The following RASGRF1 variants were observed in gnomAD, a reference collection of about 807,000 sequenced individuals.
The protein encoded by RASGRF1 is ras-specific guanine nucleotide-releasing factor 1.
In RASGRF1, 40 loss-of-function variants were observed where a neutral mutation model predicts 138.7. That is an observed-to-expected ratio of 0.29 (90% CI 0.22 to 0.38). The LOEUF (loss-of-function observed/expected upper bound fraction) is 0.38. Ranked by LOEUF, RASGRF1 falls within the 10% of genes least tolerant of loss-of-function variation. The probability of loss-of-function intolerance (pLI) is 1.00; values close to 1 mark genes in which losing one functional copy is unlikely to be tolerated. For missense variants in RASGRF1, 1,108 were observed against 1,650.4 expected, an observed-to-expected ratio of 0.67 and a Z score of 5.69; for synonymous variants, 614 against 663.2, an observed-to-expected ratio of 0.93 and a Z score of 1.14.
chr15:78,985,145 G>A lies in RASGRF1; in HGVS notation c.3276C>T (p.Ser1092=), dbSNP rs148440502. The part of the protein sequence containing the change: ...IRNEDINARV[S]AIEKWVAVAD... ...CTACGGCCACCCACTTCTCGATGGC[G>A]CTCACCCTGGCGTTGATGTCCTCAT... is the stretch of plus-strand genomic sequence containing the variant. Residue 1092 remains serine (S), a synonymous_variant, in exon 23 of 27, where the codon AGC becomes AGT. Transcript: ENST00000558480. The A allele has an allele frequency of 1.4e-3, 2,265 of 1,613,300 alleles. 38 individuals carry two copies. The South Asian group carries it at 0.024, about 17-fold the overall frequency.
At chr15:79,049,796 C>T (rs980608417) in intron 3 of RASGRF1, among the ~76,000 whole-genome samples, 31 of 152,018 alleles carry the variant, frequency 2.0e-4, no homozygotes, top group Admixed American at 6.5e-4. Flanking sequence ...AAGCGCTGCA[C>T]GGGGGATGGG....
intron 3 of RASGRF1, 108 bp downstream of exon 3, chr15:79,058,226 T>C (rs546262107): frequency 2.0e-6 from 3 of 1,487,844 alleles, no homozygotes; most frequent in Non-Finnish European, 2.7e-6. Flanking sequence ...AAGAACTGCA[T>C]CTGGGAGCTG....
chr15:79,070,278 G>T (rs2057737669), intron 1 of RASGRF1, among the ~76,000 whole-genome samples: 1 of 152,204 alleles, frequency 6.6e-6, no homozygotes. Flanking sequence ...TTGGGTCAAA[G>T]AGCCCACTCT....
In RASGRF1 at chr15:78,973,162, G is replaced by A; in HGVS notation, c.3612+141C>T. 1 of 662,028 alleles carries A rather than the reference G, an allele frequency of 1.5e-6. No homozygotes were observed. The highest frequency in any genetic ancestry group is 2.7e-6 in the Non-Finnish European group (1 of 376,376). 41.0% of individuals were successfully genotyped at this position (662,028 alleles called of 1,614,324 possible). A position where few individuals can be genotyped will look rare whatever the true frequency, so the allele number is the denominator to read the frequency against. The stretch of plus-strand genomic sequence containing the variant: ...ATCAATGATAGTGATGGCTGTCATT[G>A]GGGAAGCTGGACCCAGGCTCCCAAA... On this transcript the variant is annotated intron_variant, in intron 25 of 26. Coordinates refer to ENST00000558480, the MANE Select transcript of RASGRF1 (RefSeq NM_001145648.3). The surrounding 1 kb of genome is among the most constrained non-coding windows in gnomAD (Gnocchi z 4.9).
intron 24 of RASGRF1, chr15:78,978,695 A>C: frequency 9.7e-7 from 1 of 1,031,174 alleles, no homozygotes; most frequent in Middle Eastern, 4.8e-4. Context: ...CTAGTGAAAC[A>C]GACGCTCAGT....
chr15:79,053,040 G>A (rs112090572), intron 3 of RASGRF1, among the ~76,000 whole-genome samples: 71 of 152,294 alleles, frequency 4.7e-4, no homozygotes, highest in African/African-American at 1.7e-3. Context: ...GCTGAGGCAG[G>A]TGATCACCTG....
intron 13 of RASGRF1, among the ~76,000 whole-genome samples, chr15:79,013,210 A>G (rs2141754744): frequency 6.6e-6 from 1 of 152,306 alleles, no homozygotes; most frequent in South Asian, 2.1e-4. Flanking sequence ...GCTGGGGACC[A>G]GGTTTACATA....
intron 26 of RASGRF1, among the ~76,000 whole-genome samples, chr15:78,963,031 C>G (rs2055577905): frequency 6.6e-6 from 1 of 152,132 alleles, no homozygotes. Flanking sequence ...TTTTCTCACC[C>G]TGGGGAGAAA....
At chr15:79,066,728 G>A (rs1486546333) in intron 1 of RASGRF1, among the ~76,000 whole-genome samples, 1 of 152,188 alleles carries the variant, frequency 6.6e-6, no homozygotes, top group African/African-American at 2.4e-5. Flanking sequence ...CCTCACCCCT[G>A]CTGGAAACCT....
chr15:78,977,439 C>T (rs1359434534), intron 24 of RASGRF1, among the ~76,000 whole-genome samples: 2 of 151,930 alleles, frequency 1.3e-5, no homozygotes, highest in African/African-American at 4.8e-5. Flanking sequence ...AACAAAACTG[C>T]GATGGGGTGG....
chr15:79,014,097 T>C (rs907957516), intron 13 of RASGRF1, among the ~76,000 whole-genome samples: 1 of 152,182 alleles, frequency 6.6e-6, no homozygotes, highest in Non-Finnish European at 1.5e-5. Context: ...GATGTTGGCA[T>C]GGATGTGGTG....
At chr15:78,993,692 T>G (rs972036283) in intron 20 of RASGRF1, among the ~76,000 whole-genome samples, 1 of 152,054 alleles carries the variant, frequency 6.6e-6, no homozygotes, top group African/African-American at 2.4e-5. Context: ...CCTGGTGCCC[T>G]GGGGTTGGGC....
intron 26 of RASGRF1, among the ~76,000 whole-genome samples, chr15:78,967,956 T>G (rs2055675492): frequency 6.6e-6 from 1 of 152,216 alleles, no homozygotes; most frequent in African/African-American, 2.4e-5. Context: ...CAGACCAGAT[T>G]CAAATTTCTT....
At position 78,998,734 on chromosome 15, in the gene RASGRF1, C is replaced by G; in HGVS notation, c.2838G>C (p.Val946=). ...TCCCACCCACCTGAGAGTGCTTGGACACCCAGTGGCGGAGCACGTTCAAGA... is the reference window on the plus strand; with the variant it reads ...TCCCACCCACCTGAGAGTGCTTGGAGACCCAGTGGCGGAGCACGTTCAAGA... The part of the protein sequence containing the change: ...NRVLNVLRHW[V]SKHSQDFETN... The change falls in exon 18 of 27, where the codon GTG becomes GTC. Residue 946 remains valine, a synonymous_variant. Coordinates refer to ENST00000558480, the MANE Select transcript of RASGRF1 (RefSeq NM_001145648.3). 6.2e-7 allele frequency: 1 copy of G among 1,613,908 alleles called. No individual in the cohort carries two copies. Among genetic ancestry groups the G allele is most frequent in the Non-Finnish European group, 8.5e-7 (1 of 1,179,764 alleles).
At chr15:78,979,137 T>A in intron 24 of RASGRF1, 4 of 1,289,670 alleles carry the variant, frequency 3.1e-6, no homozygotes, top group Non-Finnish European at 4.0e-6. Flanking sequence ...ACAAGCACAG[T>A]CCACAGGGGC....
intron 26 of RASGRF1, among the ~76,000 whole-genome samples, chr15:78,970,827 T>TC (rs199848624): frequency 0.32 from 14,592 of 46,210 alleles, 1,050 homozygotes; most frequent in East Asian, 0.54. Flanking sequence ...AGCTGAGACT[T>TC]TTTTTTTTTT....
intron 13 of RASGRF1, among the ~76,000 whole-genome samples, chr15:79,007,992 G>A (rs528494054): frequency 1.3e-5 from 2 of 151,624 alleles, no homozygotes; most frequent in Admixed American, 6.6e-5. Context: ...ACAGGCATGC[G>A]CCACCACGCC....
intron 1 of RASGRF1, among the ~76,000 whole-genome samples, chr15:79,083,943 G>A (rs1161135878): frequency 6.6e-6 from 1 of 152,190 alleles, no homozygotes; most frequent in Non-Finnish European, 1.5e-5. Context: ...CTGGCGTTTT[G>A]AAACATCCTG....
chr15:79,006,174 C>T lies in RASGRF1; in HGVS notation c.2075+12G>A, dbSNP rs1567503632. 3 of 1,613,770 alleles carry T rather than the reference C, an allele frequency of 1.9e-6. No individual in the cohort carries two copies. The highest frequency in any genetic ancestry group is 4.5e-5 in the East Asian group (2 of 44,884). On this transcript the variant is annotated intron_variant, in intron 14 of 26. Transcript: ENST00000558480. This position sits in a 1 kb window ranked among gnomAD's most constrained non-coding sequence, Gnocchi z 4.0. ...CTCTCCGGGCATGGGAGGAGGAGGG[C>T]ACCTCAGCCACCTGGCAGGAATGGC...
Sources: allele counts gnomAD v4.1 joint callset (sites outside exome capture counted in the v4.1 genomes callset), GRCh38; gene constraint gnomAD v4.1.1; non-coding constraint Gnocchi (gnomAD v3.1); transcripts MANE v1.5; gene names NCBI Gene and HGNC (gene_info 2026-07-23, HGNC 2026-07-21).